SMAD3: variants seen among roughly 807,000 people sequenced by gnomAD.
SMAD3 encodes the protein SMAD family member 3, also known as MAD homolog 3.
SMAD3 carries 12 observed loss-of-function variants against 51.8 expected under a neutral mutation model. The ratio of observed to expected loss-of-function variants is 0.23; its 90% CI spans 0.15 to 0.38. SMAD3 has a LOEUF of 0.38. SMAD3 is among the 10% of genes least tolerant of loss of function. SMAD3 has a pLI of 1.00. For synonymous variants in SMAD3, 238 were observed against 227.7 expected, an observed-to-expected ratio of 1.05 and a Z score of -0.41; for missense variants, 294 against 565.6, an observed-to-expected ratio of 0.52 and a Z score of 4.87.
chr15:67,131,919 AGT>A (rs1050094920), intron 1 of SMAD3, among the ~76,000 whole-genome samples: 8 of 152,196 alleles, frequency 5.3e-5, no homozygotes, highest in African/African-American at 1.7e-4. Context: ...ATAGAGATCC[AGT>A]GTGTGTGAAC....
intron 1 of SMAD3, among the ~76,000 whole-genome samples, chr15:67,110,724 G>A (rs1286695679): frequency 6.6e-6 from 1 of 152,204 alleles, no homozygotes; most frequent in East Asian, 1.9e-4. Context: ...AGTCATGGAA[G>A]CCTAGTTAAA....
chr15:67,134,855 A>G (rs1217110113), intron 1 of SMAD3, among the ~76,000 whole-genome samples: 1 of 152,160 alleles, frequency 6.6e-6, no homozygotes, highest in Non-Finnish European at 1.5e-5. Flanking sequence ...CACTCACGGC[A>G]GAGGTGAGAC....
chr15:67,167,302 CAG>C (rs1962618517), intron 4 of SMAD3, among the ~76,000 whole-genome samples: 1 of 152,114 alleles, frequency 6.6e-6, no homozygotes, highest in South Asian at 2.1e-4. Flanking sequence ...AGTAAGAGCT[CAG>C]TGTGTCTGGA....
intron 1 of SMAD3, among the ~76,000 whole-genome samples, chr15:67,163,612 T>G (rs1240027959): frequency 6.6e-6 from 1 of 152,062 alleles, no homozygotes; most frequent in Non-Finnish European, 1.5e-5. Context: ...AGATTCTGAT[T>G]TAGTAGGTTG....
chr15:67,142,317 T>C (rs1430910594), intron 1 of SMAD3, among the ~76,000 whole-genome samples: 1 of 151,974 alleles, frequency 6.6e-6, no homozygotes, highest in Non-Finnish European at 1.5e-5. Context: ...GAACATTTAC[T>C]GTACCTCCAT....
intron 1 of SMAD3, among the ~76,000 whole-genome samples, chr15:67,144,608 G>A (rs1961925363): frequency 6.6e-6 from 1 of 152,190 alleles, no homozygotes; most frequent in South Asian, 2.1e-4. Context: ...CACAGAAGAG[G>A]TTCCTGTCCT....
At chr15:67,111,011 C>T (rs1014800336) in intron 1 of SMAD3, among the ~76,000 whole-genome samples, 5 of 152,218 alleles carry the variant, frequency 3.3e-5, no homozygotes, top group African/African-American at 7.2e-5. Context: ...ATAATTCATA[C>T]ACCATAAATC....
At chr15:67,070,181 A>T (rs1960021441) in intron 1 of SMAD3, among the ~76,000 whole-genome samples, 1 of 152,184 alleles carries the variant, frequency 6.6e-6, no homozygotes, top group Non-Finnish European at 1.5e-5. Flanking sequence ...ACTTCAGAGC[A>T]CCATGCCCGT....
chr15:67,125,644 T>C, intron 1 of SMAD3: 9 of 911,740 alleles, frequency 9.9e-6, no homozygotes, highest in Non-Finnish European at 1.2e-5. Context: ...TTATTTTTGA[T>C]TTGAAATATG....
chr15:67,189,908 C>G (rs749540528), intron 8 of SMAD3, among the ~76,000 whole-genome samples: 2 of 152,064 alleles, frequency 1.3e-5, no homozygotes, highest in Admixed American at 1.3e-4. Context: ...CATTGGGAAC[C>G]GAAGGCATGC....
At chr15:67,125,332 G>A (rs16950625) in intron 1 of SMAD3, among the ~76,000 whole-genome samples, 10,711 of 152,286 alleles carry the variant, frequency 0.07, 387 homozygotes, top group African/African-American at 0.092. Context: ...TCTTTGAAGC[G>A]CTGTTGCCTT....
Position 67,181,266 on chromosome 15 carries a change from G to A in SMAD3, c.684G>A (p.Glu228=). Residue 228 remains glutamate, a synonymous_variant, in exon 6 of 9, where the codon GAG becomes GAA. Transcript: ENST00000327367. The stretch of plus-strand genomic sequence containing the variant: ...ACCTGCAGCCAGTTACCTACTGCGA[G>A]CCGGCCTTCTGGTGCTCCATCTCCT... The part of the protein sequence containing the change: ...NLDLQPVTYC[E]PAFWCSISYY... 6.2e-7 allele frequency: 1 copy of A among 1,613,234 alleles called. No homozygotes were observed. The highest frequency in any genetic ancestry group is 1.1e-5 in the South Asian group (1 of 91,018).
At chr15:67,139,681 G>T (rs1961765411) in intron 1 of SMAD3, among the ~76,000 whole-genome samples, 1 of 152,116 alleles carries the variant, frequency 6.6e-6, no homozygotes, top group Admixed American at 6.5e-5. Context: ...TTCCAGCTAT[G>T]TTAAAAGGCC....
chr15:67,175,542 G>A (rs1962867952), intron 5 of SMAD3, among the ~76,000 whole-genome samples: 1 of 152,236 alleles, frequency 6.6e-6, no homozygotes, highest in African/African-American at 2.4e-5. Flanking sequence ...CCTTGCCTGA[G>A]AGTTGAGAAT....
intron 1 of SMAD3, among the ~76,000 whole-genome samples, chr15:67,159,102 ACT>A (rs1962359422): frequency 1.3e-5 from 2 of 151,132 alleles, no homozygotes; most frequent in African/African-American, 4.9e-5. Context: ...ACAGATTCTC[ACT>A]CTGTCACCCA....
chr15:67,138,153 C>G, intron 1 of SMAD3: 2 of 1,351,348 alleles, frequency 1.5e-6, no homozygotes, highest in East Asian at 2.5e-5. Context: ...CTCGTCTCCC[C>G]ACCCGTCCAC....
chr15:67,155,717 G>A (rs973842439), intron 1 of SMAD3, among the ~76,000 whole-genome samples: 12 of 152,150 alleles, frequency 7.9e-5, no homozygotes, highest in South Asian at 2.1e-4. Context: ...GGCCAGTCGC[G>A]GTGGCTCACG....
intron 1 of SMAD3, among the ~76,000 whole-genome samples, chr15:67,131,419 G>A (rs1273369123): frequency 1.3e-5 from 2 of 152,164 alleles, no homozygotes; most frequent in Non-Finnish European, 2.9e-5. Context: ...CTGTGTTCTC[G>A]GGTTTCATTG....
At position 67,187,425 on chromosome 15, in the gene SMAD3, A is replaced by G. The variant is rs140880290; in HGVS notation, c.1070A>G (p.Asn357Ser). The change falls in exon 8 of 9, where the codon AAC becomes AGC. Residue 357 changes from asparagine (N) to serine (S), a missense_variant. Asn to Ser is a conservative substitution (Grantham distance 46, BLOSUM62 1). This residue lies in a region of SMAD3 where 118 missense variants were observed against 278.0 expected (regional missense o/e 0.42). Transcript: ENST00000327367. ...GCTGCCCTCCTGGCCCAGTCGGTCAACCAGGGCTTTGAGGCTGTCTACCAG... is the reference window on the plus strand; with the variant it reads ...GCTGCCCTCCTGGCCCAGTCGGTCAGCCAGGGCTTTGAGGCTGTCTACCAG... ...EFAALLAQSVNQGFEAVYQLT... is the reference protein window; with the variant it reads ...EFAALLAQSVSQGFEAVYQLT... 6.2e-6 allele frequency: 10 copies of G among 1,614,058 alleles called. No homozygotes were observed. Among genetic ancestry groups the G allele is most frequent in the African/African-American group, 4.0e-5 (3 of 74,916 alleles).
Sources: gnomAD v4.1 joint callset for allele counts (sites outside exome capture counted in the v4.1 genomes callset) on GRCh38, gnomAD v4.1.1 for gene constraint, gnomAD v4.1.1 regional missense constraint, MANE v1.5 for transcripts, NCBI Gene and HGNC (gene_info 2026-07-23, HGNC 2026-07-21) for gene names.